The following XKR4 variants were observed in gnomAD, a reference collection of about 807,000 sequenced individuals.
XKR4 encodes XK related 4.
Under a neutral mutation model 53.9 loss-of-function variants are expected in XKR4, and 12 were observed. That is an observed-to-expected ratio of 0.22 (90% CI 0.14 to 0.36). XKR4 has a LOEUF of 0.36. Among genes scored for constraint, XKR4 ranks in the 10% least tolerant of loss-of-function variants. The pLI is 1.00. For synonymous variants in XKR4, 354 were observed against 362.4 expected (o/e 0.98, Z 0.26); for missense variants, 799 against 859.5 (o/e 0.93, Z 0.88).
chr8:55,124,815 G>T (rs1816439595), intron 1 of XKR4, among the ~76,000 whole-genome samples: 1 of 152,162 alleles, frequency 6.6e-6, no homozygotes, highest in South Asian at 2.1e-4. Flanking sequence ...CTGGCCTCAA[G>T]CAATCCTCCC....
chr8:55,399,928 T>G (rs927430175), intron 2 of XKR4, among the ~76,000 whole-genome samples: 6 of 152,146 alleles, frequency 3.9e-5, no homozygotes, highest in Non-Finnish European at 5.9e-5. Flanking sequence ...GAAGGGAGAA[T>G]CAGGGAGCTT....
At chr8:55,465,993 G>T (rs1042841920) in intron 2 of XKR4, among the ~76,000 whole-genome samples, 23 of 152,096 alleles carry the variant, frequency 1.5e-4, no homozygotes, top group African/African-American at 5.1e-4. Context: ...AACAACAGGT[G>T]CTGGAGAGGA....
At chr8:55,367,300 G>A (rs774615839) in intron 2 of XKR4, among the ~76,000 whole-genome samples, 11 of 151,986 alleles carry the variant, frequency 7.2e-5, no homozygotes, top group Non-Finnish European at 1.2e-4. Flanking sequence ...ATGATTCCAC[G>A]TAACTGTAAC....
At chr8:55,451,060 C>A in intron 2 of XKR4, 1 of 528,704 alleles carries the variant, frequency 1.9e-6, no homozygotes, top group Non-Finnish European at 3.5e-6. Flanking sequence ...GGCACCAGCT[C>A]TCACTGCTGC....
At chr8:55,281,452 A>G (rs913322800) in intron 1 of XKR4, among the ~76,000 whole-genome samples, 8 of 152,184 alleles carry the variant, frequency 5.3e-5, no homozygotes, top group Non-Finnish European at 8.8e-5. Context: ...AAGAGGAGGG[A>G]CTCAAGGTCA....
At chr8:55,522,179 G>A (rs1806806629) in intron 2 of XKR4, among the ~76,000 whole-genome samples, 2 of 152,200 alleles carry the variant, frequency 1.3e-5, no homozygotes, top group African/African-American at 4.8e-5. Context: ...ACAGGAGGTG[G>A]AACAAGAGTA....
intron 1 of XKR4, among the ~76,000 whole-genome samples, chr8:55,343,407 A>G (rs1315138943): frequency 6.6e-6 from 1 of 152,198 alleles, no homozygotes; most frequent in Non-Finnish European, 1.5e-5. Context: ...AGGCATGGGC[A>G]GGCTGTTGGC....
chr8:55,313,801 G>A lies in XKR4; in HGVS notation c.807-43877G>A, dbSNP rs542381035. On this transcript the variant is annotated intron_variant, in intron 1 of 2. Transcript: ENST00000327381. ...TCATGCTGGGGTTTTGGGGGCTCTC[G>A]TTTGAAAGCAGCATTCCTCTGGGAA... is the stretch of plus-strand genomic sequence containing the variant. 9.2e-5 allele frequency among the ~76,000 whole-genome samples: 14 copies of A among 152,230 alleles called. No individual in the cohort carries two copies. The South Asian group carries it at 2.1e-3, about 23-fold the overall frequency.
chr8:55,397,927 C>T (rs1804545916), intron 2 of XKR4, among the ~76,000 whole-genome samples: 1 of 152,224 alleles, frequency 6.6e-6, no homozygotes, highest in Non-Finnish European at 1.5e-5. Flanking sequence ...CCTCCAGTCA[C>T]ACCTCTCAGG....
At position 55,333,309 on chromosome 8, in the gene XKR4, T is replaced by C. The variant is rs182363546; in HGVS notation, c.807-24369T>C. On this transcript the variant is annotated intron_variant, in intron 1 of 2. Coordinates refer to ENST00000327381, the MANE Select transcript of XKR4 (RefSeq NM_052898.2). Reference sequence around the variant, plus strand: ...CATGTCTTTGTATGCCTTCTGATTTTGTTGAAAATTGGGCATTTGAACAAA... The same window carrying C: ...CATGTCTTTGTATGCCTTCTGATTTCGTTGAAAATTGGGCATTTGAACAAA... Among the ~76,000 whole-genome samples, 12 of 152,272 alleles carry C rather than the reference T, an allele frequency of 7.9e-5. No homozygotes were observed. In the East Asian group the frequency reaches 2.1e-3, roughly 27 times the overall value.
chr8:55,267,977 G>T (rs927345283), intron 1 of XKR4, among the ~76,000 whole-genome samples: 1 of 152,158 alleles, frequency 6.6e-6, no homozygotes, highest in Non-Finnish European at 1.5e-5. Flanking sequence ...AGAAAAACAA[G>T]TTCTGGCTAA....
In XKR4 at chr8:55,225,944, G is replaced by C. The variant is rs73682911; in HGVS notation, c.806+122650G>C. ...TAGGAGGCATTTGGTGACCAGATTTGGCCAGGATCATGAAGGCCAAAGTTT... is the reference window on the plus strand; with the variant it reads ...TAGGAGGCATTTGGTGACCAGATTTCGCCAGGATCATGAAGGCCAAAGTTT... On this transcript the variant is annotated intron_variant, in intron 1 of 2. Transcript: ENST00000327381. Among the ~76,000 whole-genome samples, 1,363 of 152,268 alleles carry C rather than the reference G, an allele frequency of 9.0e-3. 23 individuals are homozygous for C. The highest frequency in any genetic ancestry group is 0.03 in the African/African-American group (1,263 of 41,552).
intron 1 of XKR4, among the ~76,000 whole-genome samples, chr8:55,114,884 T>C (rs77534320): frequency 0.02 from 3,097 of 152,252 alleles, 91 homozygotes; most frequent in African/African-American, 0.07. Flanking sequence ...AAACATCTGC[T>C]TAGGGTCATA....
Position 55,494,015 on chromosome 8 carries a change from C to T in XKR4, c.1007-29266C>T, listed in dbSNP as rs543996819. 4.6e-5 allele frequency among the ~76,000 whole-genome samples: 7 copies of T among 152,390 alleles called. No individual in the cohort carries two copies. In the South Asian group the frequency reaches 6.2e-4, roughly 14 times the overall value. ...GAGTTTTGCTCTGTCCCACTGGGCT[C>T]ATTCTGCCCATTTGGCCTGTCAGGC... On this transcript the variant is annotated intron_variant, in intron 2 of 2. Transcript: ENST00000327381.
chr8:55,267,661 T>A (rs968758771), intron 1 of XKR4, among the ~76,000 whole-genome samples: 1 of 126,576 alleles, frequency 7.9e-6, no homozygotes, highest in Non-Finnish European at 1.9e-5. Context: ...TAGGGTTTTA[T>A]TCCTATTATC....
chr8:55,487,484 G>C (rs1270832371), intron 2 of XKR4, among the ~76,000 whole-genome samples: 12 of 110,914 alleles, frequency 1.1e-4, no homozygotes, highest in Admixed American at 8.9e-4. Context: ...TTTTTTTCTT[G>C]AGACAGAGTC....
At chr8:55,271,817 G>C (rs1204827972) in intron 1 of XKR4, among the ~76,000 whole-genome samples, 1 of 152,198 alleles carries the variant, frequency 6.6e-6, no homozygotes, top group Non-Finnish European at 1.5e-5. Flanking sequence ...GATTGTTTCA[G>C]CAGTTTTTGT....
At chr8:55,133,957 A>G (rs988243899) in intron 1 of XKR4, among the ~76,000 whole-genome samples, 2 of 152,260 alleles carry the variant, frequency 1.3e-5, no homozygotes, top group African/African-American at 4.8e-5. Flanking sequence ...TAACAGCTAT[A>G]GAGACTGGGG....
intron 2 of XKR4, among the ~76,000 whole-genome samples, chr8:55,481,625 A>G (rs573457592): frequency 2.6e-4 from 39 of 152,176 alleles, no homozygotes; most frequent in African/African-American, 9.4e-4. Flanking sequence ...AGAATGGGAG[A>G]AAATTTTTGC....
Sources: allele counts gnomAD v4.1 joint callset (sites outside exome capture counted in the v4.1 genomes callset), GRCh38; gene constraint gnomAD v4.1.1; transcripts MANE v1.5; gene names NCBI Gene and HGNC (gene_info 2026-07-23, HGNC 2026-07-21).